LMBR1: variants seen among roughly 807,000 people sequenced by gnomAD.
LMBR1 encodes limb development membrane protein 1.
A neutral mutation model predicts 73.9 loss-of-function variants in LMBR1; 52 were observed. The observed-to-expected ratio is 0.70, with a 90% CI of 0.56 to 0.89. The LOEUF (loss-of-function observed/expected upper bound fraction) is 0.89. Ranked by LOEUF, LMBR1 falls within the 40% of genes least tolerant of loss-of-function variation. The pLI is 0.00. For synonymous variants in LMBR1, 215 were observed against 209.4 expected (o/e 1.03, Z -0.23); for missense variants, 539 against 579.8 (o/e 0.93, Z 0.72).
chr7:156,733,789 G>C (rs1195215122), intron 10 of LMBR1: 1 of 153,932 alleles, frequency 6.5e-6, no homozygotes, highest in Non-Finnish European at 1.4e-5. Flanking sequence ...GAAGCATGAA[G>C]AAAACTACTC....
chr7:156,769,943 C>A (rs981744793), intron 5 of LMBR1, among the ~76,000 whole-genome samples: 9 of 152,130 alleles, frequency 5.9e-5, no homozygotes, highest in Non-Finnish European at 1.3e-4. Flanking sequence ...AGTCTTGGCA[C>A]ACCCAGAAAG....
chr7:156,675,677 G>GCCCCCC, downstream of LMBR1: 2 of 1,391,998 alleles, frequency 1.4e-6, no homozygotes, highest in Non-Finnish European at 2.0e-6. Context: ...GAGCTTACCC[G>GCCCCCC]CCCCCGCCTC....
chr7:156,675,908 C>G (rs761551424), downstream of LMBR1: 2 of 1,583,296 alleles, frequency 1.3e-6, no homozygotes, highest in Admixed American at 3.3e-5. Context: ...TCAGCTGCAG[C>G]TGCAGAGGCT....
At chr7:156,714,239 A>G (rs1052102719) in intron 15 of LMBR1, among the ~76,000 whole-genome samples, 1 of 152,238 alleles carries the variant, frequency 6.6e-6, no homozygotes, top group Non-Finnish European at 1.5e-5. Flanking sequence ...ATAGAATGTG[A>G]TAAGTGACCT....
intron 1 of LMBR1, chr7:156,892,707 A>C: frequency 1.3e-5 from 4 of 308,242 alleles, no homozygotes; most frequent in Non-Finnish European, 1.7e-5. Flanking sequence ...GCGGGGGGGC[A>C]GGCAGAGGAA....
intron 1 of LMBR1, among the ~76,000 whole-genome samples, chr7:156,876,892 T>C (rs917528870): frequency 6.6e-6 from 1 of 151,800 alleles, no homozygotes; most frequent in African/African-American, 2.4e-5. Context: ...ATAGACAATC[T>C]AAGGTCACAC....
At position 156,836,508 on chromosome 7, in the gene LMBR1, C is replaced by T. The variant is rs1837666597; in HGVS notation, c.139+305G>A. Among the ~76,000 whole-genome samples, 3 of 152,106 alleles carry T rather than the reference C, an allele frequency of 2.0e-5. No homozygotes were observed. In the South Asian group the frequency reaches 6.2e-4, roughly 32 times the overall value. On this transcript the variant is annotated intron_variant, in intron 2 of 16. Transcript: ENST00000353442. ...TGAGTAAAACATTCAAAGTCAGAGC[C>T]GCTCACAAGGAACCAAATATCCTTA...
downstream of LMBR1, chr7:156,675,889 C>A: frequency 6.2e-7 from 1 of 1,604,756 alleles, no homozygotes; most frequent in Non-Finnish European, 8.5e-7. Context: ...AGCCTGGCAA[C>A]CAGCAGACTC....
At chr7:156,741,854 T>TC (rs1182305557) in intron 9 of LMBR1, among the ~76,000 whole-genome samples, 1 of 152,132 alleles carries the variant, frequency 6.6e-6, no homozygotes, top group Non-Finnish European at 1.5e-5. Context: ...AACATCCTTC[T>TC]CCTCAGCACA....
At chr7:156,768,692 C>T (rs1270447534) in intron 5 of LMBR1, among the ~76,000 whole-genome samples, 3 of 152,128 alleles carry the variant, frequency 2.0e-5, no homozygotes, top group African/African-American at 7.2e-5. Flanking sequence ...TACCAGGTAG[C>T]GCCAGGCAGG....
chr7:156,828,957 T>C (rs546844526), intron 3 of LMBR1, among the ~76,000 whole-genome samples: 2 of 152,340 alleles, frequency 1.3e-5, no homozygotes, highest in South Asian at 4.1e-4. Context: ...CCAGCTCACA[T>C]TCCTTATTTG....
intron 15 of LMBR1, among the ~76,000 whole-genome samples, chr7:156,696,102 A>G (rs1808229468): frequency 6.6e-6 from 1 of 152,244 alleles, no homozygotes; most frequent in Admixed American, 6.5e-5. Context: ...TAAATGTATA[A>G]AACTTCTAGA....
In LMBR1 at chr7:156,681,372, T is replaced by C. The variant is rs775444879; in HGVS notation, c.*2706A>G. 5.2e-5 allele frequency: 11 copies of C among 209,726 alleles called. No homozygotes were observed. The highest frequency in any genetic ancestry group is 7.8e-5 in the Non-Finnish European group (8 of 102,942). 13.0% of individuals were successfully genotyped at this position (209,726 alleles called of 1,614,324 possible). A position where few individuals can be genotyped will look rare whatever the true frequency, so the allele number is the denominator to read the frequency against. ...CAGCAATTTAAGGAGCTAACATTAGTGTGTATGTGTGTACAAATTTCATGT... is the reference window on the plus strand; with the variant it reads ...CAGCAATTTAAGGAGCTAACATTAGCGTGTATGTGTGTACAAATTTCATGT... On this transcript the variant is annotated 3_prime_UTR_variant, in exon 17 of 17. Coordinates refer to ENST00000353442, the MANE Select transcript of LMBR1 (RefSeq NM_022458.4).
At chr7:156,764,307 T>C (rs186790786) in intron 5 of LMBR1, among the ~76,000 whole-genome samples, 113 of 152,310 alleles carry the variant, frequency 7.4e-4, no homozygotes, top group African/African-American at 1.9e-3. Flanking sequence ...TTATAAACTA[T>C]AGAGATACTG....
chr7:156,761,704 C>T (rs1186807769), intron 8 of LMBR1, among the ~76,000 whole-genome samples: 2 of 152,000 alleles, frequency 1.3e-5, no homozygotes, highest in African/African-American at 2.4e-5. Flanking sequence ...AGGCCAAGTG[C>T]GGTGGCTCAC....
intron 5 of LMBR1, among the ~76,000 whole-genome samples, chr7:156,786,307 GAAAA>G (rs746618824): frequency 6.6e-5 from 10 of 151,940 alleles, no homozygotes; most frequent in Non-Finnish European, 1.3e-4. Context: ...GAAAAAAGAA[GAAAA>G]AGGTTAGCAG....
In LMBR1 at chr7:156,685,387, G is replaced by C. The variant is rs1488938143; in HGVS notation, c.1388-1224C>G. 6.6e-6 allele frequency among the ~76,000 whole-genome samples: 1 copy of C among 152,204 alleles called. No homozygotes were observed. Among genetic ancestry groups the C allele is most frequent in the African/African-American group, 2.4e-5 (1 of 41,456 alleles). ...ACAACAGGAATGCATTCTGAGAAAT[G>C]CGCTGTCGAGCGATTCTGTCGCTGT... On this transcript the variant is annotated intron_variant, in intron 16 of 16. Coordinates refer to ENST00000353442, the MANE Select transcript of LMBR1 (RefSeq NM_022458.4). This position sits in a 1 kb window ranked among gnomAD's most constrained non-coding sequence, Gnocchi z 4.1.
In LMBR1 at chr7:156,763,666, T is replaced by C. The variant is rs1823545086; in HGVS notation, c.550+3A>G. On this transcript the variant is annotated splice_donor_region_variant and intron_variant, in intron 6 of 16. Coordinates refer to ENST00000353442, the MANE Select transcript of LMBR1 (RefSeq NM_022458.4). Reference sequence around the variant, plus strand: ...AAACTGGTTAAAACAAGGAAATCCATACCATATAAAGATTCCATGCTTGCG... The same window carrying C: ...AAACTGGTTAAAACAAGGAAATCCACACCATATAAAGATTCCATGCTTGCG... 1.3e-6 allele frequency: 2 copies of C among 1,577,392 alleles called. No individual in the cohort carries two copies. Among genetic ancestry groups the C allele is most frequent in the Admixed American group, 2.0e-5 (1 of 50,372 alleles).
chr7:156,820,229 T>C (rs1253802762), intron 4 of LMBR1, among the ~76,000 whole-genome samples: 1 of 152,164 alleles, frequency 6.6e-6, no homozygotes, highest in Non-Finnish European at 1.5e-5. Flanking sequence ...CTATCTGGTA[T>C]GCAGCTACTG....
Sources: gnomAD v4.1 joint callset for allele counts (sites outside exome capture counted in the v4.1 genomes callset) on GRCh38, gnomAD v4.1.1 for gene constraint, Gnocchi (gnomAD v3.1) non-coding constraint, MANE v1.5 for transcripts, NCBI Gene and HGNC (gene_info 2026-07-23, HGNC 2026-07-21) for gene names.